The following GON4L variants were observed in gnomAD, a reference collection of about 807,000 sequenced individuals.
GON4L encodes the protein GON-4-like protein.
In GON4L, 87 loss-of-function variants were observed where a neutral mutation model predicts 211.8. The ratio of observed to expected loss-of-function variants is 0.41; its 90% confidence interval spans 0.35 to 0.49. GON4L has a LOEUF of 0.49. GON4L is among the 20% of genes least tolerant of loss of function. The probability of loss-of-function intolerance (pLI) is 0.15; values close to 1 mark genes in which losing one functional copy is unlikely to be tolerated. For missense variants in GON4L, 2,155 were observed against 2,659.5 expected, an observed-to-expected ratio of 0.81 and a Z score of 4.17; for synonymous variants, 875 against 962.6, an observed-to-expected ratio of 0.91 and a Z score of 1.68.
At chr1:155,771,749 A>G (rs1391828074) in intron 18 of GON4L, among the ~76,000 whole-genome samples, 1 of 152,142 alleles carries the variant, frequency 6.6e-6, no homozygotes, top group Non-Finnish European at 1.5e-5. Flanking sequence ...AAGTGCTGGT[A>G]TTACAGTTGT....
At chr1:155,839,931 C>T (rs1670631534) in intron 2 of GON4L, among the ~76,000 whole-genome samples, 1 of 152,150 alleles carries the variant, frequency 6.6e-6, no homozygotes. Flanking sequence ...AGATTCATAT[C>T]TCATAAGTTC....
chr1:155,756,898 T>TA, intron 27 of GON4L, 60 bp downstream of exon 27: 1 of 1,321,904 alleles, frequency 7.6e-7, no homozygotes, highest in Non-Finnish European at 1.1e-6. Context: ...CACTGCACTC[T>TA]AGTTTGGGTG....
At chr1:155,858,631 T>C (rs1361311834), upstream of GON4L, among the ~76,000 whole-genome samples, 1 of 138,118 alleles carries the variant, frequency 7.2e-6, no homozygotes, top group African/African-American at 2.8e-5. Context: ...CACTTTTCAT[T>C]AGTTGTTTTT....
intron 2 of GON4L, among the ~76,000 whole-genome samples, chr1:155,846,966 C>T (rs1317482373): frequency 6.6e-6 from 1 of 152,094 alleles, no homozygotes; most frequent in Non-Finnish European, 1.5e-5. Flanking sequence ...TGCCATTGCA[C>T]TACGGCCTGG....
chr1:155,814,753 A>AATAC (rs1162232024), intron 8 of GON4L, among the ~76,000 whole-genome samples: 2 of 151,588 alleles, frequency 1.3e-5, no homozygotes, highest in East Asian at 3.9e-4. Flanking sequence ...CTCAAAAATA[A>AATAC]ATAAATAAAT....
intron 14 of GON4L, among the ~76,000 whole-genome samples, chr1:155,778,866 C>T (rs1209198136): frequency 6.6e-6 from 1 of 152,138 alleles, no homozygotes; most frequent in African/African-American, 2.4e-5. Context: ...GTCCCTGAAA[C>T]GGACATGATA....
intron 10 of GON4L, among the ~76,000 whole-genome samples, chr1:155,806,785 T>G (rs568555235): frequency 6.6e-6 from 1 of 152,300 alleles, no homozygotes; most frequent in African/African-American, 2.4e-5. Context: ...GAATTCAGAT[T>G]GTTTCCACTG....
chr1:155,749,879 A>G lies in GON4L; in HGVS notation c.*705T>C. 1.2e-6 allele frequency: 2 copies of G among 1,602,274 alleles called. No individual in the cohort carries two copies. The highest frequency in any genetic ancestry group is 2.2e-5 in the East Asian group (1 of 44,640). On this transcript the variant is annotated 3_prime_UTR_variant, in exon 32 of 32. Transcript: ENST00000368331. ...ATCAGTTTGGCGAGTCCCAGGGCAG[A>G]ATAATCATCCATCTACAGGTCTCTG...
At chr1:155,814,227 G>T in intron 9 of GON4L, 103 bp downstream of exon 9, 1 of 1,139,710 alleles carries the variant, frequency 8.8e-7, no homozygotes, top group Non-Finnish European at 1.3e-6. Flanking sequence ...TTTGAAAAAG[G>T]GTGACAGCCC....
intron 2 of GON4L, among the ~76,000 whole-genome samples, chr1:155,839,863 G>T (rs764362541): frequency 6.6e-6 from 1 of 152,138 alleles, no homozygotes; most frequent in Non-Finnish European, 1.5e-5. Context: ...TGCTCTTAAT[G>T]AAATTACAAG....
chr1:155,823,648 C>T (rs1668919236), intron 3 of GON4L, among the ~76,000 whole-genome samples: 1 of 152,052 alleles, frequency 6.6e-6, no homozygotes, highest in Admixed American at 6.6e-5. Flanking sequence ...TAATTCCAGC[C>T]CCTTGGGAGC....
intron 8 of GON4L, 108 bp from the exon 9 acceptor site, chr1:155,814,557 C>A (rs530830364): frequency 5.1e-6 from 6 of 1,175,240 alleles, no homozygotes; most frequent in Admixed American, 5.1e-5. Context: ...CTCAGCCTGG[C>A]CAACATGGTG....
At chr1:155,848,014 T>G (rs1671417969) in intron 2 of GON4L, among the ~76,000 whole-genome samples, 1 of 152,152 alleles carries the variant, frequency 6.6e-6, no homozygotes, top group Non-Finnish European at 1.5e-5. Flanking sequence ...ATCTCTTGGT[T>G]CTGGGAACTC....
At chr1:155,834,028 C>T (rs1312620757) in intron 2 of GON4L, among the ~76,000 whole-genome samples, 1 of 152,032 alleles carries the variant, frequency 6.6e-6, no homozygotes, top group African/African-American at 2.4e-5. Context: ...ACCTAGCTAT[C>T]TTGCCCAGGC....
rs199939610 is a variant in GON4L, at chr1:155,766,094, C to T, written c.3379G>A (p.Ala1127Thr). 6.2e-7 allele frequency: 1 copy of T among 1,614,020 alleles called. No homozygotes were observed. Among genetic ancestry groups the T allele is most frequent in the Non-Finnish European group, 8.5e-7 (1 of 1,180,018 alleles). Residue 1127 changes from alanine to threonine, a missense_variant, in exon 21 of 32, where the codon GCC (alanine) becomes ACC (threonine). Coordinates refer to ENST00000368331, the MANE Select transcript of GON4L (RefSeq NM_001282860.2). ...RRPSKRRGVK[A>T]SPCMKPAPVI... ...GGGGCAGGTTTCATACAGGGAGAGGCCTTGACTCCTCTTCTCTTTGAGGGT... is the reference window on the plus strand; with the variant it reads ...GGGGCAGGTTTCATACAGGGAGAGGTCTTGACTCCTCTTCTCTTTGAGGGT...
At chr1:155,800,932 T>C (rs1666596649) in intron 11 of GON4L, among the ~76,000 whole-genome samples, 1 of 151,830 alleles carries the variant, frequency 6.6e-6, no homozygotes, top group Non-Finnish European at 1.5e-5. Flanking sequence ...TAAACTGGGT[T>C]CTACTCCTAG....
In GON4L at chr1:155,794,998, A is replaced by G. The variant is rs1665934202; in HGVS notation, c.1747+52T>C. 3 of 1,020,934 alleles carry G rather than the reference A, an allele frequency of 2.9e-6. No individual in the cohort carries two copies. The South Asian group carries it at 3.8e-5, about 13-fold the overall frequency. 63.2% of individuals were successfully genotyped at this position (1,020,934 alleles called of 1,614,324 possible). ...CCCCTAAAAATCTACAAAGTAAACA[A>G]AGACAGCTGCAAAGCAGTCAAGAGC... On this transcript the variant is annotated intron_variant, in intron 12 of 31. Coordinates refer to ENST00000368331, the MANE Select transcript of GON4L (RefSeq NM_001282860.2).
At chr1:155,828,679 G>C (rs937253937) in intron 2 of GON4L, among the ~76,000 whole-genome samples, 1 of 151,694 alleles carries the variant, frequency 6.6e-6, no homozygotes, top group Non-Finnish European at 1.5e-5. Flanking sequence ...ATGGTGGCGG[G>C]CACCTGTAAT....
intron 11 of GON4L, among the ~76,000 whole-genome samples, chr1:155,803,754 T>G (rs1666898584): frequency 6.6e-6 from 1 of 152,210 alleles, no homozygotes; most frequent in South Asian, 2.1e-4. Flanking sequence ...CGATCTGACT[T>G]GTTCCCCTGG....
Sources: allele counts gnomAD v4.1 joint callset (sites outside exome capture counted in the v4.1 genomes callset), GRCh38; gene constraint gnomAD v4.1.1; transcripts MANE v1.5; gene names NCBI Gene and HGNC (gene_info 2026-07-23, HGNC 2026-07-21).